The following DNM3 variants were observed in gnomAD, a reference collection of about 807,000 sequenced individuals.
DNM3 encodes dynamin 3.
A neutral mutation model predicts 101.6 loss-of-function variants in DNM3; 47 were observed. The ratio of observed to expected loss-of-function variants is 0.46; its 90% confidence interval spans 0.37 to 0.59. The LOEUF (loss-of-function observed/expected upper bound fraction) is 0.59. Among genes scored for constraint, DNM3 ranks in the 20% least tolerant of loss-of-function variants. DNM3 has a pLI of 0.00. For synonymous variants in DNM3, 385 were observed against 387.9 expected (o/e 0.99, Z 0.09); for missense variants, 849 against 1,085.7 (o/e 0.78, Z 3.06).
At chr1:171,915,461 T>G (rs2039637731) in intron 1 of DNM3, among the ~76,000 whole-genome samples, 1 of 152,096 alleles carries the variant, frequency 6.6e-6, no homozygotes, top group Admixed American at 6.5e-5. Flanking sequence ...TAAGAGATAT[T>G]AAGATAGAAT....
chr1:172,281,811 T>G (rs574100545), intron 15 of DNM3, among the ~76,000 whole-genome samples: 1 of 152,266 alleles, frequency 6.6e-6, no homozygotes, highest in Non-Finnish European at 1.5e-5. Flanking sequence ...AAAGAGATAA[T>G]AAATGTTTTG....
At chr1:172,062,458 T>C (rs181615913) in intron 10 of DNM3, among the ~76,000 whole-genome samples, 1 of 152,332 alleles carries the variant, frequency 6.6e-6, no homozygotes, top group East Asian at 1.9e-4. Context: ...CCTTAGCATT[T>C]CATAAATAAC....
intron 15 of DNM3, among the ~76,000 whole-genome samples, 182 bp from the exon 16 acceptor site, chr1:172,308,546 T>C (rs2064944793): frequency 6.6e-6 from 1 of 151,534 alleles, no homozygotes; most frequent in African/African-American, 2.4e-5. Context: ...AAAATTATAT[T>C]GTAAATACAT....
At chr1:172,034,275 ATGAT>A (rs2048810624) in intron 6 of DNM3, among the ~76,000 whole-genome samples, 1 of 152,128 alleles carries the variant, frequency 6.6e-6, no homozygotes, top group African/African-American at 2.4e-5. Context: ...AAACATCACT[ATGAT>A]TGTATCATTT....
At chr1:171,853,341 A>AT (rs59320961) in intron 1 of DNM3, among the ~76,000 whole-genome samples, 17,725 of 151,814 alleles carry the variant, frequency 0.12, 1,181 homozygotes, top group East Asian at 0.14. Context: ...TTTTTAAATT[A>AT]TTTTTTGTAG....
intron 13 of DNM3, among the ~76,000 whole-genome samples, chr1:172,097,146 A>G (rs1220046982): frequency 6.6e-6 from 1 of 152,116 alleles, no homozygotes. Context: ...TTATGCCTGT[A>G]ATCCCAGCAC....
At chr1:171,944,837 C>T (rs1424935879) in intron 2 of DNM3, among the ~76,000 whole-genome samples, 114 of 39,146 alleles carry the variant, frequency 2.9e-3, no homozygotes, top group Non-Finnish European at 3.3e-3. Flanking sequence ...TTTTTGTTTT[C>T]TTTTTTTTTG....
intron 10 of DNM3, among the ~76,000 whole-genome samples, chr1:172,061,714 G>A (rs1363530603): frequency 9.1e-6 from 1 of 109,708 alleles, no homozygotes; most frequent in African/African-American, 3.5e-5. Flanking sequence ...GGGGGGAGGG[G>A]GGAGGGATAG....
At chr1:171,882,609 A>AT (rs1318551255) in intron 1 of DNM3, among the ~76,000 whole-genome samples, 1 of 152,158 alleles carries the variant, frequency 6.6e-6, no homozygotes, top group African/African-American at 2.4e-5. Flanking sequence ...TCCCAATAAT[A>AT]TTTTTTAGAG....
In DNM3 at chr1:172,283,780, A is replaced by AAAAAAAAAAAAAAG. The variant is rs1553221113; in HGVS notation, c.1770-24945_1770-24944insAAAAAAAAAAGAAA. 1.6e-3 allele frequency among the ~76,000 whole-genome samples: 186 copies of AAAAAAAAAAAAAAG among 118,984 alleles called. 7 individuals carry two copies. Among genetic ancestry groups the AAAAAAAAAAAAAAG allele is most frequent in the African/African-American group, 5.9e-3 (174 of 29,538 alleles). 78.1% of individuals were successfully genotyped at this position (118,984 alleles called of 152,430 possible). A position where few individuals can be genotyped will look rare whatever the true frequency, so the allele number is the denominator to read the frequency against. On this transcript the variant is annotated intron_variant, in intron 15 of 20. Transcript: ENST00000627582. ...ATCTCAAAAAAAAAAAAAAAAAAAA[A>AAAAAAAAAAAAAAG]AAAGAAAGAAAGAAAGAAAACCAAG...
At chr1:172,009,653 C>T (rs1008955822) in intron 4 of DNM3, among the ~76,000 whole-genome samples, 1 of 151,668 alleles carries the variant, frequency 6.6e-6, no homozygotes, top group African/African-American at 2.4e-5. Flanking sequence ...ACAGCACTAT[C>T]GTAGACCGAT....
chr1:172,332,859 G>A (rs1033830046), intron 17 of DNM3, among the ~76,000 whole-genome samples: 1 of 152,208 alleles, frequency 6.6e-6, no homozygotes, highest in Non-Finnish European at 1.5e-5. Flanking sequence ...ATATTTGGAT[G>A]ACTCTCACTA....
chr1:171,846,689 A>G (rs957814661), intron 1 of DNM3, among the ~76,000 whole-genome samples: 7 of 152,240 alleles, frequency 4.6e-5, no homozygotes, highest in African/African-American at 1.7e-4. Context: ...CATATGCTAT[A>G]TAGAATGATC....
chr1:172,232,057 A>G (rs2061357510), intron 14 of DNM3, among the ~76,000 whole-genome samples: 1 of 152,182 alleles, frequency 6.6e-6, no homozygotes, highest in African/African-American at 2.4e-5. Flanking sequence ...CTTAAATGTA[A>G]ATGGGCTAAA....
At chr1:171,866,234 G>A (rs1423787197) in intron 1 of DNM3, among the ~76,000 whole-genome samples, 3 of 150,098 alleles carry the variant, frequency 2.0e-5, no homozygotes, top group African/African-American at 7.4e-5. Context: ...TTCTCTTAAA[G>A]CACTACTCTA....
chr1:172,235,912 G>A (rs2061524990), intron 14 of DNM3, among the ~76,000 whole-genome samples: 1 of 152,032 alleles, frequency 6.6e-6, no homozygotes, highest in African/African-American at 2.4e-5. Context: ...GAGTTAATGG[G>A]TGCAGCACAC....
chr1:172,199,883 G>A (rs2060091324), intron 14 of DNM3, among the ~76,000 whole-genome samples: 1 of 151,998 alleles, frequency 6.6e-6, no homozygotes, highest in African/African-American at 2.4e-5. Context: ...GCCTTGTTGA[G>A]TGGGACATTT....
intron 14 of DNM3, among the ~76,000 whole-genome samples, chr1:172,183,467 G>A (rs2059415008): frequency 6.6e-6 from 1 of 152,074 alleles, no homozygotes; most frequent in South Asian, 2.1e-4. Context: ...GTGATTCTGG[G>A]TTTCAAAACC....
chr1:172,200,252 T>C (rs571487499), intron 14 of DNM3, among the ~76,000 whole-genome samples: 2 of 152,272 alleles, frequency 1.3e-5, no homozygotes, highest in Non-Finnish European at 2.9e-5. Flanking sequence ...TTCTGGCTTA[T>C]AGGGTTTCAG....
Sources: allele counts gnomAD v4.1 joint callset (sites outside exome capture counted in the v4.1 genomes callset), GRCh38; gene constraint gnomAD v4.1.1; transcripts MANE v1.5; gene names NCBI Gene and HGNC (gene_info 2026-07-23, HGNC 2026-07-21).